Variants in APELA observed in about 807,000 individuals in gnomAD.
APELA encodes protein Elabela.
At chr4:164,879,532 CCT>C (rs971658418) in intron 2 of APELA, among the ~76,000 whole-genome samples, 6 of 152,090 alleles carry the variant, frequency 3.9e-5, no homozygotes, top group African/African-American at 1.4e-4. Context: ...GCAGCCTCAA[CCT>C]CCCGGGCTCA....
chr4:164,888,906 T>C (rs1300210763), intron 2 of APELA, among the ~76,000 whole-genome samples: 2 of 152,208 alleles, frequency 1.3e-5, no homozygotes, highest in African/African-American at 2.4e-5. Flanking sequence ...CTAGACGTGC[T>C]TTTTTCCTAC....
intron 2 of APELA, among the ~76,000 whole-genome samples, chr4:164,891,967 A>G (rs1274358082): frequency 6.6e-6 from 1 of 152,092 alleles, no homozygotes; most frequent in Non-Finnish European, 1.5e-5. Context: ...GAATGTTGTT[A>G]TTATGAAGGG....
intron 2 of APELA, among the ~76,000 whole-genome samples, chr4:164,887,768 T>C (rs1016430835): frequency 2.0e-5 from 3 of 152,040 alleles, no homozygotes; most frequent in East Asian, 3.9e-4. Flanking sequence ...TGCGCCACCA[T>C]GCCCAGCTAA....
At chr4:164,888,162 C>A (rs7689199) in intron 2 of APELA, among the ~76,000 whole-genome samples, 10,137 of 152,056 alleles carry the variant, frequency 0.067, 1,029 homozygotes, top group African/African-American at 0.22. Context: ...ACCTCTTTAC[C>A]CTTAAGTATC....
intron 1 of APELA, among the ~76,000 whole-genome samples, 161 bp from the exon 2 acceptor site, chr4:164,878,759 G>T (rs1252409249): frequency 6.6e-6 from 1 of 152,186 alleles, no homozygotes; most frequent in African/African-American, 2.4e-5. Flanking sequence ...AACACCCCTT[G>T]TGTATATGCA....
chr4:164,895,729 A>G lies in APELA; in HGVS notation c.*315A>G, dbSNP rs892696322. The G allele has an allele frequency of 6.6e-6, 1 of 152,228 alleles. No homozygotes were observed. Among genetic ancestry groups the G allele is most frequent in the Non-Finnish European group, 1.5e-5 (1 of 68,044 alleles). 9.4% of individuals were successfully genotyped at this position (152,228 alleles called of 1,614,324 possible). A position where few individuals can be genotyped will look rare whatever the true frequency, so the allele number is the denominator to read the frequency against. On this transcript the variant is annotated 3_prime_UTR_variant, in exon 3 of 3. Coordinates refer to ENST00000507152, the MANE Select transcript of APELA (RefSeq NM_001297550.2). ...TTATTCTTTTATGGGTTAAAAAGAA[A>G]AATACCTTTTAGTGTTTTAGAACTC...
intron 2 of APELA, among the ~76,000 whole-genome samples, chr4:164,884,069 G>A (rs4558825): frequency 2.1e-5 from 3 of 144,544 alleles, no homozygotes; most frequent in African/African-American, 2.6e-5. Flanking sequence ...GGGAAAGAAG[G>A]AGAGAAAGAA....
intron 2 of APELA, among the ~76,000 whole-genome samples, chr4:164,893,962 C>T (rs184546007): frequency 6.8e-6 from 1 of 146,924 alleles, no homozygotes; most frequent in East Asian, 2.0e-4. Flanking sequence ...TTTTGGTCAC[C>T]GAAAAAAAAA....
At chr4:164,879,163 G>A (rs1414127343) in intron 2 of APELA, 154 bp downstream of exon 2, 3 of 393,390 alleles carry the variant, frequency 7.6e-6, no homozygotes, top group Admixed American at 4.4e-5. Context: ...AGAGTTAAAT[G>A]AATGACATGA....
chr4:164,894,441 G>C (rs1730935375), intron 2 of APELA, among the ~76,000 whole-genome samples: 1 of 149,556 alleles, frequency 6.7e-6, no homozygotes, highest in Non-Finnish European at 1.5e-5. Context: ...TTTTTTGAGA[G>C]AGTCTTGCTC....
At chr4:164,883,006 T>C (rs1410314384) in intron 2 of APELA, among the ~76,000 whole-genome samples, 1 of 152,188 alleles carries the variant, frequency 6.6e-6, no homozygotes, top group African/African-American at 2.4e-5. Flanking sequence ...CTTGTCACCC[T>C]CACTTGGTAT....
intron 2 of APELA, among the ~76,000 whole-genome samples, chr4:164,882,347 C>T (rs923146405): frequency 1.0e-4 from 15 of 145,840 alleles, no homozygotes; most frequent in Admixed American, 8.0e-4. Flanking sequence ...AGGTGATCTG[C>T]CCCCCCTCAG....
chr4:164,890,263 C>A (rs34501470), intron 2 of APELA, among the ~76,000 whole-genome samples: 11,844 of 152,070 alleles, frequency 0.078, 1,396 homozygotes, highest in African/African-American at 0.26. Context: ...TTTATACACC[C>A]GACAATTCAC....
At chr4:164,898,502 CA>C (rs371909619), downstream of APELA, among the ~76,000 whole-genome samples, 2,043 of 89,544 alleles carry the variant, frequency 0.023, 33 homozygotes, top group Middle Eastern at 0.063. Flanking sequence ...AACTCTGCCT[CA>C]AAAAAAAAAA....
chr4:164,885,603 T>C (rs371114798), intron 2 of APELA, among the ~76,000 whole-genome samples: 12 of 152,060 alleles, frequency 7.9e-5, no homozygotes, highest in Admixed American at 2.0e-4. Flanking sequence ...TAGCCAGGTC[T>C]CATGGTGGGC....
chr4:164,877,776 G>A (rs188942663), intron 1 of APELA, among the ~76,000 whole-genome samples: 185 of 152,202 alleles, frequency 1.2e-3, no homozygotes, highest in Non-Finnish European at 2.2e-3. Flanking sequence ...AAACTCCAAA[G>A]CAGTTTATTT....
chr4:164,877,834 A>G (rs12500546), intron 1 of APELA, among the ~76,000 whole-genome samples: 63,752 of 151,970 alleles, frequency 0.42, 13,776 homozygotes, highest in South Asian at 0.51. Flanking sequence ...ACATACAAAA[A>G]GCATAATGCA....
At chr4:164,885,974 A>G (rs1730763062) in intron 2 of APELA, among the ~76,000 whole-genome samples, 1 of 152,044 alleles carries the variant, frequency 6.6e-6, no homozygotes, top group African/African-American at 2.4e-5. Context: ...CATAAATCCT[A>G]TTTTCCTCAT....
intron 2 of APELA, among the ~76,000 whole-genome samples, chr4:164,891,096 GAT>G (rs922165339): frequency 6.6e-6 from 1 of 151,706 alleles, no homozygotes. Context: ...TGAGCTGTAA[GAT>G]ATATATATAT....
Sources: gnomAD v4.1 joint callset for allele counts (sites outside exome capture counted in the v4.1 genomes callset) on GRCh38, gnomAD v4.1.1 for gene constraint, MANE v1.5 for transcripts, NCBI Gene and HGNC (gene_info 2026-07-23, HGNC 2026-07-21) for gene names.